Variants in ZNF805 observed in about 807,000 individuals in gnomAD.
ZNF805 encodes zinc finger protein 805, also known as CTC-444N24.8.
A neutral mutation model predicts 13.6 loss-of-function variants in ZNF805; 7 were observed. The ratio of observed to expected loss-of-function variants is 0.51; its 90% CI spans 0.29 to 0.97. The LOEUF (loss-of-function observed/expected upper bound fraction) is 0.97, where lower values mean the gene tolerates loss of function less well. Among genes scored for constraint, ZNF805 ranks in the 50% least tolerant of loss-of-function variants. The probability of loss-of-function intolerance (pLI) is 0.08; values close to 1 mark genes in which losing one functional copy is unlikely to be tolerated. For synonymous variants in ZNF805, 293 were observed against 279.8 expected (o/e 1.05, Z -0.47); for missense variants, 604 against 771.0 (o/e 0.78, Z 2.57).
rs1326049814 is a variant in ZNF805 at position 57,253,613 on chromosome 19, G to A, written c.794G>A (p.Gly265Glu). The change falls in exon 4 of 4, where the codon GGG (glycine) becomes GAG (glutamate). Residue 265 changes from glycine to glutamate, a missense_variant. By Grantham distance (98) the Gly-to-Glu change is moderately conservative (BLOSUM62 -2). Transcript: ENST00000414468. This position sits in a 1 kb window ranked among gnomAD's most constrained non-coding sequence, Gnocchi z 4.4. ...GEKPYKCMEC[G>E]KAFNRKSHLT... ...AAGCCCTATAAGTGCATGGAGTGTG[G>A]GAAGGCTTTTAATCGGAAGTCACAC... 9 of 1,614,120 alleles carry A rather than the reference G, an allele frequency of 5.6e-6. No homozygotes were observed. Among genetic ancestry groups the A allele is most frequent in the Non-Finnish European group, 7.6e-6 (9 of 1,179,996 alleles).
chr19:57,257,110 T>A lies in ZNF805; in HGVS notation c.*2407T>A, dbSNP rs913009872. On this transcript the variant is annotated 3_prime_UTR_variant, in exon 4 of 4. Transcript: ENST00000414468. ...AGTATTCCCTGCTATTTGTTATTGA[T>A]TTCTAATTTGTTTTGCATTTGATGT... Among the ~76,000 whole-genome samples the A allele has an allele frequency of 5.3e-5, 8 of 152,230 alleles. No individual in the cohort carries two copies. The highest frequency in any genetic ancestry group is 1.4e-4 in the African/African-American group (6 of 41,468).
At chr19:57,244,930 A>G (rs189145052) in intron 2 of ZNF805, among the ~76,000 whole-genome samples, 2 of 149,364 alleles carry the variant, frequency 1.3e-5, no homozygotes, top group Admixed American at 1.3e-4. Context: ...ACTGCCCAGC[A>G]TAGACTGGCC....
Position 57,262,182 on chromosome 19 carries a change from A to G in ZNF805, c.*7479A>G, listed in dbSNP as rs1482646726. On this transcript the variant is annotated 3_prime_UTR_variant, in exon 4 of 4. Coordinates refer to ENST00000414468, the MANE Select transcript of ZNF805 (RefSeq NM_001023563.4). ...GATGAACCTTGCAAGATCAAAGAAT[A>G]GCAGTCTCTGGCCTGCTCTGTTCTC... 6.0e-6 allele frequency: 1 copy of G among 167,114 alleles called. No individual in the cohort carries two copies. Among genetic ancestry groups the G allele is most frequent in the Non-Finnish European group, 1.5e-5 (1 of 68,132 alleles). 10.4% of individuals were successfully genotyped at this position (167,114 alleles called of 1,614,324 possible). A position where few individuals can be genotyped will look rare whatever the true frequency, so the allele number is the denominator to read the frequency against.
rs1044550531 is a variant in ZNF805 at position 57,255,134 on chromosome 19, G to A, written c.*431G>A. ...TAAGGATTAAAAGAAACATGAATGC[G>A]CACATTTTATTGTACCACTTAATAC... On this transcript the variant is annotated 3_prime_UTR_variant, in exon 4 of 4. Transcript: ENST00000414468. 1.2e-5 allele frequency: 2 copies of A among 173,054 alleles called. No individual in the cohort carries two copies. The highest frequency in any genetic ancestry group is 6.1e-5 in the Admixed American group (1 of 16,292). 10.7% of individuals were successfully genotyped at this position (173,054 alleles called of 1,614,324 possible).
rs986065287 is a variant in ZNF805, at chr19:57,257,694, G to A, written c.*2991G>A. Among the ~76,000 whole-genome samples, 3 of 136,906 alleles carry A rather than the reference G, an allele frequency of 2.2e-5. No homozygotes were observed. The highest frequency in any genetic ancestry group is 7.6e-5 in the Admixed American group (1 of 13,104). The allele number at this position is 136,906 out of a possible 152,430, so 89.8% of individuals were successfully genotyped here. On this transcript the variant is annotated 3_prime_UTR_variant, in exon 4 of 4. Coordinates refer to ENST00000414468, the MANE Select transcript of ZNF805 (RefSeq NM_001023563.4). The stretch of plus-strand genomic sequence containing the variant: ...GGCTGTGGTTTTATATCCAGTTTGC[G>A]TATCTTTTTTTTTTTTTTTTTTTTT...
At chr19:57,242,392 G>C (rs957476921) in intron 1 of ZNF805, among the ~76,000 whole-genome samples, 1 of 152,236 alleles carries the variant, frequency 6.6e-6, no homozygotes, top group Non-Finnish European at 1.5e-5. Context: ...GGACTTATGA[G>C]GTTACCATGG....
rs756121596 is a variant in ZNF805, at chr19:57,260,561, CT to C, written c.*5864del. ...TTTCCTGGCTTCTGTGAATTCCTGG[CT>C]TTTTTCCTTTTTAGGGTCTGTGTCT... On this transcript the variant is annotated 3_prime_UTR_variant, in exon 4 of 4. Transcript: ENST00000414468. 3.5e-4 allele frequency among the ~76,000 whole-genome samples: 54 copies of C among 152,252 alleles called. No homozygotes were observed. The highest frequency in any genetic ancestry group is 8.3e-4 in the South Asian group (4 of 4,822).
In ZNF805 at chr19:57,245,749, A is replaced by T. The variant is rs996818214; in HGVS notation, c.157+1700A>T. On this transcript the variant is annotated intron_variant, in intron 2 of 3. Coordinates refer to ENST00000414468, the MANE Select transcript of ZNF805 (RefSeq NM_001023563.4). ...AGCTGAGATTGCACCACTGCACTCC[A>T]GCCTGGGCGACAGAGCGAGACTCCA... is the stretch of plus-strand genomic sequence containing the variant. Among the ~76,000 whole-genome samples the T allele has an allele frequency of 4.6e-5, 7 of 151,848 alleles. No homozygotes were observed. In the South Asian group the frequency reaches 6.3e-4, roughly 14 times the overall value.
chr19:57,262,066 A>C lies in ZNF805; in HGVS notation c.*7363A>C, dbSNP rs1199184850. 1 of 166,458 alleles carries C rather than the reference A, an allele frequency of 6.0e-6. No individual in the cohort carries two copies. The highest frequency in any genetic ancestry group is 1.5e-5 in the Non-Finnish European group (1 of 68,124). 10.3% of individuals were successfully genotyped at this position (166,458 alleles called of 1,614,324 possible). ...ACCTCCAGAAGAACAGGAGGTGTTC[A>C]GCGTAAGACAATTTAGGCACACGGA... is the stretch of plus-strand genomic sequence containing the variant. On this transcript the variant is annotated 3_prime_UTR_variant, in exon 4 of 4. Coordinates refer to ENST00000414468, the MANE Select transcript of ZNF805 (RefSeq NM_001023563.4).
intron 2 of ZNF805, among the ~76,000 whole-genome samples, chr19:57,247,146 A>G (rs2087624474): frequency 6.6e-6 from 1 of 151,858 alleles, no homozygotes; most frequent in Admixed American, 6.6e-5. Flanking sequence ...AGTAGCTGGG[A>G]CTACAGATGC....
intron 3 of ZNF805, among the ~76,000 whole-genome samples, chr19:57,250,837 G>GTCT (rs1338677188): frequency 3.3e-5 from 5 of 152,202 alleles, no homozygotes; most frequent in Non-Finnish European, 7.3e-5. Context: ...GGTGGAAGAG[G>GTCT]TCTTACCCTT....
chr19:57,258,415 GCTT>G lies in ZNF805; in HGVS notation c.*3716_*3718del, dbSNP rs1600000746. 7.7e-6 allele frequency among the ~76,000 whole-genome samples: 1 copy of G among 129,456 alleles called. No homozygotes were observed. Among genetic ancestry groups the G allele is most frequent in the Non-Finnish European group, 1.7e-5 (1 of 59,084 alleles). 84.9% of individuals were successfully genotyped at this position (129,456 alleles called of 152,430 possible). A position where few individuals can be genotyped will look rare whatever the true frequency, so the allele number is the denominator to read the frequency against. ...TGATTAGTTTTTTGTGTTTCCTGTT[GCTT>G]CTTTCTTGGTTTGTTTGGGTTTTTT... is the stretch of plus-strand genomic sequence containing the variant. On this transcript the variant is annotated 3_prime_UTR_variant, in exon 4 of 4. Coordinates refer to ENST00000414468, the MANE Select transcript of ZNF805 (RefSeq NM_001023563.4).
Position 57,245,452 on chromosome 19 carries a change from C to G in ZNF805, c.157+1403C>G, listed in dbSNP as rs558090306. The stretch of plus-strand genomic sequence containing the variant: ...GGACGATGTTGAGCTTCAGTGGACA[C>G]TGGGCAATGTGTGGAGACATTTTGG... On this transcript the variant is annotated intron_variant, in intron 2 of 3. Coordinates refer to ENST00000414468, the MANE Select transcript of ZNF805 (RefSeq NM_001023563.4). 6.0e-4 allele frequency among the ~76,000 whole-genome samples: 91 copies of G among 152,234 alleles called. 1 individual carries two copies. In the South Asian group the frequency reaches 0.018, roughly 31 times the overall value.
At chr19:57,250,755 C>T (rs1320445541) in intron 3 of ZNF805, among the ~76,000 whole-genome samples, 3 of 152,218 alleles carry the variant, frequency 2.0e-5, no homozygotes, top group African/African-American at 7.2e-5. Flanking sequence ...GTGTCATCTA[C>T]TTCTATTGTT....
rs2087682566 is a variant in ZNF805, at chr19:57,255,509, T to A, written c.*806T>A. On this transcript the variant is annotated 3_prime_UTR_variant, in exon 4 of 4. Coordinates refer to ENST00000414468, the MANE Select transcript of ZNF805 (RefSeq NM_001023563.4). ...TAGCCTATCTTTTCATTATTTAAAT[T>A]TTCTTTGATATATTTCATTACTGTT... Among the ~76,000 whole-genome samples, 1 of 152,168 alleles carries A rather than the reference T, an allele frequency of 6.6e-6. No individual in the cohort carries two copies. The highest frequency in any genetic ancestry group is 2.1e-4 in the South Asian group (1 of 4,834).
At chr19:57,244,295 C>G (rs1247933094) in intron 2 of ZNF805, among the ~76,000 whole-genome samples, 1 of 151,268 alleles carries the variant, frequency 6.6e-6, no homozygotes, top group Non-Finnish European at 1.5e-5. Flanking sequence ...CTCCGCCTCC[C>G]AGGTTCAAGC....
At chr19:57,241,989 G>C (rs1451915770) in intron 1 of ZNF805, among the ~76,000 whole-genome samples, 3 of 152,222 alleles carry the variant, frequency 2.0e-5, no homozygotes, top group Admixed American at 6.5e-5. Context: ...GGGACAAAGA[G>C]CATAAATAAT....
Position 57,257,788 on chromosome 19 carries a change from C to T in ZNF805, c.*3085C>T, listed in dbSNP as rs764153077. ...GTGGTGCGATCTCCGCTCACTGCAA[C>T]CTCCGCCTCCTGGGTTCAAGTGATT... On this transcript the variant is annotated 3_prime_UTR_variant, in exon 4 of 4. Coordinates refer to ENST00000414468, the MANE Select transcript of ZNF805 (RefSeq NM_001023563.4). Among the ~76,000 whole-genome samples, 2 of 148,284 alleles carry T rather than the reference C, an allele frequency of 1.3e-5. No individual in the cohort carries two copies. The highest frequency in any genetic ancestry group is 2.5e-5 in the African/African-American group (1 of 39,716).
chr19:57,245,757 C>A (rs188319916), intron 2 of ZNF805, among the ~76,000 whole-genome samples: 7 of 150,056 alleles, frequency 4.7e-5, no homozygotes, highest in South Asian at 4.2e-4. Context: ...CCAGCCTGGG[C>A]GACAGAGCGA....
Sources: gnomAD v4.1 joint callset for allele counts (sites outside exome capture counted in the v4.1 genomes callset) on GRCh38, gnomAD v4.1.1 for gene constraint, Gnocchi (gnomAD v3.1) non-coding constraint, MANE v1.5 for transcripts, NCBI Gene and HGNC (gene_info 2026-07-23, HGNC 2026-07-21) for gene names.